Variants in IL1RAPL1 observed in about 807,000 individuals in gnomAD.
IL1RAPL1 encodes interleukin 1 receptor accessory protein like 1.
IL1RAPL1 carries 3 observed loss-of-function variants against 48.4 expected under a neutral mutation model. The observed-to-expected ratio is 0.06, with a 90% confidence interval of 0.03 to 0.16. The LOEUF is 0.16. Among genes scored for constraint, IL1RAPL1 ranks in the 10% least tolerant of loss-of-function variants. The probability of loss-of-function intolerance (pLI) is 1.00; values close to 1 mark genes in which losing one functional copy is unlikely to be tolerated. For missense variants in IL1RAPL1, 349 were observed against 530.6 expected, an observed-to-expected ratio of 0.66 and a Z score of 3.36; for synonymous variants, 185 against 187.7, an observed-to-expected ratio of 0.99 and a Z score of 0.12.
chrX:29,176,106 C>G (rs796419635), intron 2 of IL1RAPL1, among the ~76,000 whole-genome samples: 36 of 49,061 alleles, frequency 7.3e-4, no homozygotes, highest in African/African-American at 2.3e-3. Context: ...TTTTTTTTTT[C>G]TTTTTGATAC....
intron 8 of IL1RAPL1, among the ~76,000 whole-genome samples, chrX:29,927,154 G>A (rs1932898501): frequency 8.9e-6 from 1 of 112,120 alleles, no homozygotes; most frequent in Non-Finnish European, 1.9e-5. Flanking sequence ...TTAGCCTGGG[G>A]TAGGACTCAA....
At chrX:29,449,780 C>CACACAGAGAGAGAGAGAG (rs557765024) in intron 5 of IL1RAPL1, among the ~76,000 whole-genome samples, 5 of 58,247 alleles carry the variant, frequency 8.6e-5, no homozygotes, top group African/African-American at 3.0e-4. Flanking sequence ...CACACACACA[C>CACACAGAGAGAGAGAGAG]AGAGAGAGAG....
intron 2 of IL1RAPL1, among the ~76,000 whole-genome samples, chrX:29,281,036 G>A (rs1438302130): frequency 8.9e-6 from 1 of 111,880 alleles, no homozygotes; most frequent in Non-Finnish European, 1.9e-5. Flanking sequence ...GATAATAAAT[G>A]TGGATAATTA....
At chrX:29,296,293 G>A (rs1932448409) in intron 3 of IL1RAPL1, among the ~76,000 whole-genome samples, 1 of 111,717 alleles carries the variant, frequency 9.0e-6, no homozygotes, top group African/African-American at 3.3e-5. Context: ...AGCAGCTAGA[G>A]AATGAGTACA....
intron 2 of IL1RAPL1, among the ~76,000 whole-genome samples, chrX:28,814,672 A>G (rs961512537): frequency 4.5e-5 from 5 of 110,336 alleles, no homozygotes; most frequent in Non-Finnish European, 7.6e-5. Context: ...GACTAGGCCC[A>G]TTTATTGTGA....
intron 5 of IL1RAPL1, among the ~76,000 whole-genome samples, chrX:29,590,150 A>G (rs988968218): frequency 2.2e-4 from 24 of 110,946 alleles, no homozygotes; most frequent in African/African-American, 7.5e-4. Context: ...TCACTATCGC[A>G]AGGACAGCAG....
chrX:29,336,269 C>CGTATATATATAT (rs202242482), intron 3 of IL1RAPL1, among the ~76,000 whole-genome samples: 1 of 57,474 alleles, frequency 1.7e-5, no homozygotes, highest in Non-Finnish European at 3.2e-5. Flanking sequence ...ATATATATGC[C>CGTATATATATAT]ATATATATAT....
chrX:28,790,446 C>T (rs906821447), intron 2 of IL1RAPL1, among the ~76,000 whole-genome samples: 1 of 112,772 alleles, frequency 8.9e-6, no homozygotes, highest in Non-Finnish European at 1.9e-5. Flanking sequence ...AACGAAAAAG[C>T]CCACATGCAG....
At chrX:29,301,370 T>G (rs750329195) in intron 3 of IL1RAPL1, among the ~76,000 whole-genome samples, 1 of 112,106 alleles carries the variant, frequency 8.9e-6, no homozygotes, top group Non-Finnish European at 1.9e-5. Flanking sequence ...TAGGGGAGAT[T>G]TATGTCCATC....
chrX:29,814,258 A>G (rs2147179455), intron 6 of IL1RAPL1, among the ~76,000 whole-genome samples: 1 of 111,048 alleles, frequency 9.0e-6, no homozygotes, highest in African/African-American at 3.3e-5. Context: ...TTGTTTTTTG[A>G]CTTTTTAATA....
intron 2 of IL1RAPL1, among the ~76,000 whole-genome samples, chrX:28,947,778 A>G (rs1280702081): frequency 1.8e-5 from 2 of 112,061 alleles, no homozygotes; most frequent in East Asian, 5.6e-4. Flanking sequence ...TACTACTTAT[A>G]TGAAATAATA....
rs371059101 is a variant in IL1RAPL1, at chrX:28,782,200, A to T, written c.-24-7120A>T. On this transcript the variant is annotated intron_variant, in intron 1 of 10. Transcript: ENST00000378993. ...TATGGGCACTAGCCTATTGATGTGT[A>T]TGTTGGAAATATGTTTGCTAATTTA... 9.0e-5 allele frequency among the ~76,000 whole-genome samples: 10 copies of T among 111,277 alleles called. No individual in the cohort carries two copies. In the South Asian group the frequency reaches 1.9e-3, roughly 21 times the overall value.
At chrX:29,747,716 A>C (rs779224222) in intron 6 of IL1RAPL1, among the ~76,000 whole-genome samples, 1 of 112,999 alleles carries the variant, frequency 8.8e-6, no homozygotes, top group East Asian at 2.8e-4. Context: ...CTCTAATTGT[A>C]AAAAGAGGAA....
intron 2 of IL1RAPL1, among the ~76,000 whole-genome samples, chrX:28,943,863 A>G (rs1295998966): frequency 1.8e-5 from 2 of 110,394 alleles, no homozygotes; most frequent in African/African-American, 6.6e-5. Context: ...TTGTTTCCTT[A>G]ATGTATTTTT....
intron 2 of IL1RAPL1, among the ~76,000 whole-genome samples, chrX:29,170,854 T>C (rs1285802568): frequency 1.8e-5 from 2 of 111,977 alleles, no homozygotes; most frequent in African/African-American, 6.5e-5. Flanking sequence ...TCCATTATTG[T>C]ATTAGATGTT....
chrX:29,608,726 T>C (rs1450911502), intron 5 of IL1RAPL1, among the ~76,000 whole-genome samples: 1 of 100,531 alleles, frequency 9.9e-6, no homozygotes, highest in Non-Finnish European at 2.0e-5. Context: ...CTCGGGAGGC[T>C]GAGGCAGGAG....
At chrX:29,076,888 A>T (rs989981604) in intron 2 of IL1RAPL1, among the ~76,000 whole-genome samples, 2 of 111,264 alleles carry the variant, frequency 1.8e-5, no homozygotes, top group Non-Finnish European at 3.8e-5. Flanking sequence ...GCAAAGAAAA[A>T]AGGAAAAAGG....
At chrX:29,056,084 G>A (rs1033815172) in intron 2 of IL1RAPL1, among the ~76,000 whole-genome samples, 1 of 111,703 alleles carries the variant, frequency 9.0e-6, no homozygotes, top group African/African-American at 3.2e-5. Context: ...AAGACAAACT[G>A]TTGATAAACT....
chrX:29,132,456 T>C (rs1488373012), intron 2 of IL1RAPL1, among the ~76,000 whole-genome samples: 1 of 112,160 alleles, frequency 8.9e-6, no homozygotes, highest in Non-Finnish European at 1.9e-5. Context: ...TAGTATTCAG[T>C]ACAGTCAGAT....
Sources: gnomAD v4.1 joint callset for allele counts (sites outside exome capture counted in the v4.1 genomes callset) on GRCh38, gnomAD v4.1.1 for gene constraint, MANE v1.5 for transcripts, NCBI Gene and HGNC (gene_info 2026-07-23, HGNC 2026-07-21) for gene names.